The following BMP5 variants were observed in gnomAD, a reference collection of about 807,000 sequenced individuals.
BMP5 encodes bone morphogenetic protein 5.
Under a neutral mutation model 46.6 loss-of-function variants are expected in BMP5, and 23 were observed. The observed-to-expected ratio is 0.49, with a 90% CI of 0.35 to 0.70. The LOEUF (loss-of-function observed/expected upper bound fraction) is 0.70. BMP5 is among the 30% of genes least tolerant of loss of function. BMP5 has a pLI of 0.00. For synonymous variants in BMP5, 204 were observed against 191.9 expected, an observed-to-expected ratio of 1.06 and a Z score of -0.52; for missense variants, 545 against 565.6, an observed-to-expected ratio of 0.96 and a Z score of 0.37.
At chr6:55,759,142 CACAAAAAAAAAAAAAAAAAAAAA>C in intron 5 of BMP5, 27 bp from the exon 6 acceptor site, 3 of 119,564 alleles carry the variant, frequency 2.5e-5, no homozygotes, top group Admixed American at 1.8e-4. Context: ...CACACACACA[CACAAAAAAAAAAAAAAAAAAAAA>C]AAAAAAAAAA....
chr6:55,756,507 G>A (rs562878195), intron 6 of BMP5, among the ~76,000 whole-genome samples: 95 of 152,064 alleles, frequency 6.2e-4, no homozygotes, highest in Non-Finnish European at 1.1e-3. Flanking sequence ...ATTGAGAAAA[G>A]AGCCAGAACA....
Position 55,787,622 on chromosome 6 carries a change from T to C in BMP5, c.832+6657A>G, listed in dbSNP as rs943750772. Reference sequence around the variant, plus strand: ...TGTTGAAGAAAAAGATGAATCCTGTTCTTTGTTAACATAGCTGTAACAGTT... The same window carrying C: ...TGTTGAAGAAAAAGATGAATCCTGTCCTTTGTTAACATAGCTGTAACAGTT... On this transcript the variant is annotated intron_variant, in intron 3 of 6. Coordinates refer to ENST00000370830, the MANE Select transcript of BMP5 (RefSeq NM_021073.4). 3.3e-5 allele frequency among the ~76,000 whole-genome samples: 5 copies of C among 151,770 alleles called. No individual in the cohort carries two copies. The East Asian group carries it at 5.8e-4, about 18-fold the overall frequency.
Position 55,777,102 on chromosome 6 carries a change from T to C in BMP5, c.833-2859A>G, listed in dbSNP as rs576927169. Among the ~76,000 whole-genome samples the C allele has an allele frequency of 1.4e-4, 22 of 152,068 alleles. No individual in the cohort carries two copies. The South Asian group carries it at 4.4e-3, about 30-fold the overall frequency. On this transcript the variant is annotated intron_variant, in intron 3 of 6. Coordinates refer to ENST00000370830, the MANE Select transcript of BMP5 (RefSeq NM_021073.4). ...TATTAAGATTCCACAAGTTAATGCTTGCTCAGTTACCCTTGGTCTTGAGCT... is the reference window on the plus strand; with the variant it reads ...TATTAAGATTCCACAAGTTAATGCTCGCTCAGTTACCCTTGGTCTTGAGCT...
intron 1 of BMP5, among the ~76,000 whole-genome samples, chr6:55,854,781 T>C (rs1002697768): frequency 2.0e-5 from 3 of 152,148 alleles, no homozygotes; most frequent in African/African-American, 7.2e-5. Context: ...TAAAGACAAA[T>C]GACTCTTTTA....
chr6:55,858,320 T>C (rs962010681), intron 1 of BMP5, among the ~76,000 whole-genome samples: 1 of 152,184 alleles, frequency 6.6e-6, no homozygotes, highest in Non-Finnish European at 1.5e-5. Context: ...GTTTTTAAAA[T>C]TCTTAAATAT....
intron 4 of BMP5, among the ~76,000 whole-genome samples, chr6:55,760,896 G>C (rs1387687666): frequency 1.0e-5 from 1 of 99,100 alleles, no homozygotes; most frequent in African/African-American, 4.3e-5. Context: ...AATATATTGA[G>C]AGAGATTATA....
At chr6:55,775,695 T>A (rs1280227995) in intron 3 of BMP5, among the ~76,000 whole-genome samples, 3 of 151,876 alleles carry the variant, frequency 2.0e-5, no homozygotes, top group Non-Finnish European at 4.4e-5. Flanking sequence ...TGACCCACCT[T>A]AGAAGAAAGG....
intron 1 of BMP5, among the ~76,000 whole-genome samples, chr6:55,828,684 GA>G (rs988700898): frequency 2.0e-5 from 3 of 151,404 alleles, no homozygotes; most frequent in Non-Finnish European, 4.4e-5. Flanking sequence ...TATACTCAAT[GA>G]AAAAAACACT....
chr6:55,797,025 C>A (rs906749224), intron 2 of BMP5, among the ~76,000 whole-genome samples: 1 of 152,180 alleles, frequency 6.6e-6, no homozygotes, highest in Non-Finnish European at 1.5e-5. Flanking sequence ...TATTTAATTT[C>A]TCCTTTCTCC....
At chr6:55,838,407 C>T (rs554508665) in intron 1 of BMP5, among the ~76,000 whole-genome samples, 1 of 152,116 alleles carries the variant, frequency 6.6e-6, no homozygotes, top group African/African-American at 2.4e-5. Flanking sequence ...TGTTGAGCAC[C>T]TTTTCATATA....
At chr6:55,853,146 AT>A (rs945228553) in intron 1 of BMP5, among the ~76,000 whole-genome samples, 1 of 18,264 alleles carries the variant, frequency 5.5e-5, no homozygotes, top group Non-Finnish European at 8.8e-5. Context: ...CATAAATAAA[AT>A]AAAATAAAAT....
intron 4 of BMP5, among the ~76,000 whole-genome samples, chr6:55,761,628 T>G (rs983679635): frequency 6.6e-6 from 1 of 152,090 alleles, no homozygotes; most frequent in Admixed American, 6.6e-5. Context: ...CATGGCTAAT[T>G]CCTGCATCTT....
intron 3 of BMP5, among the ~76,000 whole-genome samples, chr6:55,776,572 G>A (rs1775177897): frequency 6.6e-6 from 1 of 151,164 alleles, no homozygotes. Context: ...ATTTGACGAA[G>A]CTTTTATTTT....
chr6:55,806,323 G>C (rs1463854813), intron 2 of BMP5, among the ~76,000 whole-genome samples: 1 of 152,096 alleles, frequency 6.6e-6, no homozygotes, highest in Non-Finnish European at 1.5e-5. Context: ...TATTAAATAG[G>C]GAATCCTTTC....
chr6:55,801,124 A>G (rs1775839496), intron 2 of BMP5, among the ~76,000 whole-genome samples: 1 of 152,218 alleles, frequency 6.6e-6, no homozygotes, highest in Non-Finnish European at 1.5e-5. Flanking sequence ...TACTATATCA[A>G]TTCAACTAAG....
At chr6:55,803,738 G>T (rs1236583649) in intron 2 of BMP5, among the ~76,000 whole-genome samples, 1 of 152,136 alleles carries the variant, frequency 6.6e-6, no homozygotes, top group African/African-American at 2.4e-5. Context: ...CCTAAGCAAA[G>T]GAGTTTGTGG....
rs2127513104 is a variant in BMP5, at chr6:55,754,078, T to G, written c.*1455A>C. 6.6e-6 allele frequency: 1 copy of G among 152,102 alleles called. No individual in the cohort carries two copies. 9.4% of individuals were successfully genotyped at this position (152,102 alleles called of 1,614,324 possible). A position where few individuals can be genotyped will look rare whatever the true frequency, so the allele number is the denominator to read the frequency against. ...ATTACAAACAAAGCCATAACATTTTTGAAGACATTTTTGGTATACGTTTGG... is the reference window on the plus strand; with the variant it reads ...ATTACAAACAAAGCCATAACATTTTGGAAGACATTTTTGGTATACGTTTGG... On this transcript the variant is annotated 3_prime_UTR_variant, in exon 7 of 7. Coordinates refer to ENST00000370830, the MANE Select transcript of BMP5 (RefSeq NM_021073.4).
intron 1 of BMP5, among the ~76,000 whole-genome samples, chr6:55,823,872 T>C (rs1171930186): frequency 6.6e-6 from 1 of 152,000 alleles, no homozygotes; most frequent in African/African-American, 2.4e-5. Flanking sequence ...TTACATTTCT[T>C]ATCTAAGGAA....
At chr6:55,798,553 T>C (rs1775770791) in intron 2 of BMP5, among the ~76,000 whole-genome samples, 1 of 152,158 alleles carries the variant, frequency 6.6e-6, no homozygotes, top group South Asian at 2.1e-4. Flanking sequence ...AGTATAATAA[T>C]TTCCTCTATG....
Sources: gnomAD v4.1 joint callset for allele counts (sites outside exome capture counted in the v4.1 genomes callset) on GRCh38, gnomAD v4.1.1 for gene constraint, MANE v1.5 for transcripts, NCBI Gene and HGNC (gene_info 2026-07-23, HGNC 2026-07-21) for gene names.